Variants in KIF6 observed in about 807,000 individuals in gnomAD.
The protein encoded by KIF6 is kinesin family member 6.
A neutral mutation model predicts 112.7 loss-of-function variants in KIF6; 106 were observed. The observed-to-expected ratio is 0.94, with a 90% confidence interval of 0.80 to 1.11. KIF6 has a LOEUF of 1.11. KIF6 is among the 50% of genes least tolerant of loss of function. The pLI is 0.00. For synonymous variants in KIF6, 339 were observed against 339.9 expected, an observed-to-expected ratio of 1.00 and a Z score of 0.03; for missense variants, 929 against 964.0, an observed-to-expected ratio of 0.96 and a Z score of 0.48.
intron 13 of KIF6, among the ~76,000 whole-genome samples, chr6:39,473,180 C>T (rs1292621952): frequency 6.6e-6 from 1 of 151,264 alleles, no homozygotes; most frequent in Non-Finnish European, 1.5e-5. Flanking sequence ...GCCACAGCAC[C>T]CGGTCAAAAA....
chr6:39,582,826 G>A (rs1190937666), intron 9 of KIF6, among the ~76,000 whole-genome samples: 1 of 152,168 alleles, frequency 6.6e-6, no homozygotes, highest in African/African-American at 2.4e-5. Flanking sequence ...GTTTTGTCTT[G>A]AGTGGTTTGT....
intron 3 of KIF6, among the ~76,000 whole-genome samples, chr6:39,654,773 T>C (rs764092360): frequency 5.9e-5 from 9 of 152,204 alleles, no homozygotes; most frequent in Admixed American, 1.3e-4. Flanking sequence ...AATAATTGGC[T>C]TAATATTCTA....
Position 39,725,335 on chromosome 6 carries a change from C to G in KIF6, c.-25G>C. 2 of 1,595,556 alleles carry G rather than the reference C, an allele frequency of 1.3e-6. No homozygotes were observed. Among genetic ancestry groups the G allele is most frequent in the South Asian group, 1.1e-5 (1 of 89,150 alleles). On this transcript the variant is annotated 5_prime_UTR_variant, in exon 1 of 23. Transcript: ENST00000287152. ...TCTCCTCCCTGGCTCTGCAATGACC[C>G]TTGACCTCTCTCAGGCCCGGGCTGC...
intron 22 of KIF6, among the ~76,000 whole-genome samples, chr6:39,337,362 G>C (rs1763090806): frequency 6.8e-6 from 1 of 147,634 alleles, no homozygotes; most frequent in Non-Finnish European, 1.5e-5. Flanking sequence ...ACCCAGGCTG[G>C]AGTGCAGTGG....
In KIF6 at chr6:39,607,004, G is replaced by T. The variant is rs537659600; in HGVS notation, c.639+6185C>A. Among the ~76,000 whole-genome samples the T allele has an allele frequency of 2.0e-5, 3 of 152,192 alleles. No homozygotes were observed. The South Asian group carries it at 6.2e-4, about 32-fold the overall frequency. ...TTTGGCAGGTTTTCTCATAGTTTGA[G>T]GTTATGGCTATTTCCTTGTTTCACT... is the stretch of plus-strand genomic sequence containing the variant. On this transcript the variant is annotated intron_variant, in intron 6 of 22. Transcript: ENST00000287152.
chr6:39,627,674 T>C (rs1009588571), intron 5 of KIF6, among the ~76,000 whole-genome samples: 8 of 152,160 alleles, frequency 5.3e-5, no homozygotes, highest in African/African-American at 1.9e-4. Context: ...ATTCAAAAAA[T>C]ACAACACAGC....
rs1198721491 is a variant in KIF6 at position 39,510,364 on chromosome 6, T to C, written c.1645+29639A>G. On this transcript the variant is annotated intron_variant, in intron 13 of 22. Transcript: ENST00000287152. Reference sequence around the variant, plus strand: ...GCCTCAGCCTCCCAAAGTGCTGGGATTACAGGCGTGAGCCACCACGTCCGG... The same window carrying C: ...GCCTCAGCCTCCCAAAGTGCTGGGACTACAGGCGTGAGCCACCACGTCCGG... Among the ~76,000 whole-genome samples, 4 of 152,136 alleles carry C rather than the reference T, an allele frequency of 2.6e-5. No homozygotes were observed. In the South Asian group the frequency reaches 6.2e-4, roughly 24 times the overall value.
At chr6:39,338,347 T>C (rs534167781) in intron 22 of KIF6, among the ~76,000 whole-genome samples, 1 of 152,330 alleles carries the variant, frequency 6.6e-6, no homozygotes, top group East Asian at 1.9e-4. Context: ...ATACATTGAA[T>C]GGCCAGCTAG....
chr6:39,508,392 C>T (rs769709561), intron 13 of KIF6, among the ~76,000 whole-genome samples: 1 of 152,034 alleles, frequency 6.6e-6, no homozygotes, highest in Non-Finnish European at 1.5e-5. Context: ...GAGGGTGAGC[C>T]GAAGCAGGGC....
At chr6:39,630,512 T>G (rs903171683) in intron 5 of KIF6, among the ~76,000 whole-genome samples, 3 of 152,088 alleles carry the variant, frequency 2.0e-5, no homozygotes, top group Non-Finnish European at 2.9e-5. Flanking sequence ...GGAAAACAAT[T>G]GACTTTTGTA....
chr6:39,572,191 T>A (rs1214074783), intron 10 of KIF6, among the ~76,000 whole-genome samples: 5 of 152,170 alleles, frequency 3.3e-5, no homozygotes, highest in African/African-American at 1.2e-4. Context: ...AAAACTAATA[T>A]GGGTAGAATA....
intron 13 of KIF6, among the ~76,000 whole-genome samples, chr6:39,441,130 G>A (rs1270970208): frequency 6.6e-6 from 1 of 152,168 alleles, no homozygotes; most frequent in Non-Finnish European, 1.5e-5. Context: ...TGTTGAATAT[G>A]CAGACCCTAT....
At chr6:39,351,618 C>G (rs1448526532) in intron 19 of KIF6, among the ~76,000 whole-genome samples, 1 of 152,138 alleles carries the variant, frequency 6.6e-6, no homozygotes, top group Non-Finnish European at 1.5e-5. Context: ...CCCTCTCTCT[C>G]TCTCTCACAC....
At chr6:39,723,745 G>C (rs1199897409) in intron 1 of KIF6, among the ~76,000 whole-genome samples, 2 of 152,130 alleles carry the variant, frequency 1.3e-5, no homozygotes, top group Non-Finnish European at 2.9e-5. Flanking sequence ...GGCCTGTCGT[G>C]GGGTGGGAGG....
chr6:39,338,604 G>A (rs1302879004), intron 22 of KIF6, among the ~76,000 whole-genome samples: 2 of 152,170 alleles, frequency 1.3e-5, no homozygotes, highest in East Asian at 1.9e-4. Flanking sequence ...GCTACACAAC[G>A]GAAATCTCTG....
intron 13 of KIF6, among the ~76,000 whole-genome samples, chr6:39,479,337 G>A (rs1285097397): frequency 6.6e-6 from 1 of 152,084 alleles, no homozygotes; most frequent in Non-Finnish European, 1.5e-5. Flanking sequence ...AATTATTCCA[G>A]CACCATTTGT....
At chr6:39,478,765 T>A (rs1358203332) in intron 13 of KIF6, among the ~76,000 whole-genome samples, 1 of 151,526 alleles carries the variant, frequency 6.6e-6, no homozygotes, top group Non-Finnish European at 1.5e-5. Context: ...CCAACATCTA[T>A]TTTTTTTAAA....
chr6:39,392,790 T>G (rs1380467381), intron 15 of KIF6, among the ~76,000 whole-genome samples: 1 of 152,338 alleles, frequency 6.6e-6, no homozygotes, highest in African/African-American at 2.4e-5. Flanking sequence ...CTGAGAGGCT[T>G]CCTCATTTGT....
At chr6:39,650,532 A>G (rs1325706546) in intron 3 of KIF6, among the ~76,000 whole-genome samples, 1 of 151,582 alleles carries the variant, frequency 6.6e-6, no homozygotes, top group African/African-American at 2.4e-5. Context: ...TATCTTATTT[A>G]CATTATCTTA....
Sources: gnomAD v4.1 joint callset for allele counts (sites outside exome capture counted in the v4.1 genomes callset) on GRCh38, gnomAD v4.1.1 for gene constraint, MANE v1.5 for transcripts, NCBI Gene and HGNC (gene_info 2026-07-23, HGNC 2026-07-21) for gene names.